The following VAV2 variants were observed in gnomAD, a reference collection of about 807,000 sequenced individuals.
VAV2 encodes guanine nucleotide exchange factor VAV2.
Under a neutral mutation model 132.5 loss-of-function variants are expected in VAV2, and 67 were observed. The ratio of observed to expected loss-of-function variants is 0.51; its 90% confidence interval spans 0.42 to 0.62. The LOEUF is 0.62. Among genes scored for constraint, VAV2 ranks in the 20% least tolerant of loss-of-function variants. The pLI is 0.00. For synonymous variants in VAV2, 492 were observed against 443.5 expected (o/e 1.11, Z -1.37); for missense variants, 938 against 1,153.6 (o/e 0.81, Z 2.71).
At chr9:133,822,102 G>A (rs946276556) in intron 4 of VAV2, among the ~76,000 whole-genome samples, 2 of 152,174 alleles carry the variant, frequency 1.3e-5, no homozygotes, top group African/African-American at 4.8e-5. Context: ...TCGCCCACCT[G>A]CCCCGATTCT....
Position 133,784,412 on chromosome 9 carries a change from G to A in VAV2, c.1539C>T (p.Asn513=). ...WMEQFEMAMS[N]IKPDKANANH... The stretch of plus-strand genomic sequence containing the variant: ...TGGCATTGGCTTTGTCTGGCTTGAT[G>A]TTTGACCTGGCAGGAGGGAAAGAGA... The change falls in exon 18 of 30, where the codon AAC becomes AAT. Residue 513 remains asparagine (N), a synonymous_variant. Transcript: ENST00000371850. 4 of 1,614,186 alleles carry A rather than the reference G, an allele frequency of 2.5e-6. No individual in the cohort carries two copies. Among genetic ancestry groups the A allele is most frequent in the Non-Finnish European group, 3.4e-6 (4 of 1,179,994 alleles).
rs150054284 is a variant in VAV2, at chr9:133,784,393, T to C, written c.1558A>G (p.Asn520Asp). Reference sequence around the variant, plus strand: ...ATCTGGAAACTGTGGTGGTTGGCATTGGCTTTGTCTGGCTTGATGTTTGAC... The same window carrying C: ...ATCTGGAAACTGTGGTGGTTGGCATCGGCTTTGTCTGGCTTGATGTTTGAC... ...AMSNIKPDKA[N>D]ANHHSFQMYT... The change falls in exon 18 of 30, where the codon AAT becomes GAT. Residue 520 changes from asparagine to aspartate, a missense_variant. Transcript: ENST00000371850. The C allele has an allele frequency of 1.0e-4, 165 of 1,614,066 alleles. No individual in the cohort carries two copies. Among genetic ancestry groups the C allele is most frequent in the Non-Finnish European group, 1.6e-5 (19 of 1,180,016 alleles).
At chr9:133,814,032 G>A (rs530941929) in intron 4 of VAV2, among the ~76,000 whole-genome samples, 2 of 152,306 alleles carry the variant, frequency 1.3e-5, no homozygotes, top group East Asian at 1.9e-4. Context: ...CACCATGAGA[G>A]GTCCATCTGG....
chr9:133,805,462 C>G (rs1468837547), intron 9 of VAV2, among the ~76,000 whole-genome samples: 2 of 152,176 alleles, frequency 1.3e-5, no homozygotes, highest in Non-Finnish European at 2.9e-5. Context: ...ATCTCCCCAG[C>G]CTCTGACAGC....
chr9:133,781,642 C>T (rs1176550922), intron 19 of VAV2, among the ~76,000 whole-genome samples: 1 of 152,222 alleles, frequency 6.6e-6, no homozygotes, highest in East Asian at 1.9e-4. Context: ...GGGGTGAAGG[C>T]TACAATGGTC....
At position 133,929,665 on chromosome 9, in the gene VAV2, A is replaced by C. The variant is rs542565639; in HGVS notation, c.321+9438T>G. Among the ~76,000 whole-genome samples, 588 of 152,254 alleles carry C rather than the reference A, an allele frequency of 3.9e-3. 6 individuals carry two copies. The highest frequency in any genetic ancestry group is 0.014 in the African/African-American group (572 of 41,548). On this transcript the variant is annotated intron_variant, in intron 2 of 29. Coordinates refer to ENST00000371850, the MANE Select transcript of VAV2 (RefSeq NM_001134398.2). ...GGGCCTCTCAGCTGCTGACAAACCC[A>C]GGGCCAGAGGGACTGGGATGACCAC...
chr9:133,916,404 G>A (rs552512847), intron 2 of VAV2, among the ~76,000 whole-genome samples: 1 of 152,364 alleles, frequency 6.6e-6, no homozygotes, highest in East Asian at 1.9e-4. Context: ...AGGGAAGGTG[G>A]TGGGTGCCAA....
intron 2 of VAV2, among the ~76,000 whole-genome samples, chr9:133,899,268 C>G (rs1043691670): frequency 1.3e-4 from 20 of 151,872 alleles, no homozygotes; most frequent in Admixed American, 1.2e-3. Flanking sequence ...GGAGCTGGGA[C>G]TCCTCAGGCC....
At chr9:133,803,594 A>C (rs1035762852) in intron 9 of VAV2, among the ~76,000 whole-genome samples, 1 of 152,344 alleles carries the variant, frequency 6.6e-6, no homozygotes, top group Non-Finnish European at 1.5e-5. Flanking sequence ...GGCAAGGCTA[A>C]GAGGAGCTCC....
intron 2 of VAV2, among the ~76,000 whole-genome samples, chr9:133,932,166 T>C (rs1480035874): frequency 6.6e-6 from 1 of 152,208 alleles, no homozygotes; most frequent in Non-Finnish European, 1.5e-5. Context: ...AACCAGCCCC[T>C]GGAAGAAGCC....
intron 3 of VAV2, among the ~76,000 whole-genome samples, chr9:133,838,896 T>C (rs1332757092): frequency 2.4e-5 from 3 of 124,188 alleles, no homozygotes; most frequent in Non-Finnish European, 4.9e-5. Context: ...GGTGGGTGGA[T>C]GGATGAATGA....
intron 1 of VAV2, among the ~76,000 whole-genome samples, chr9:133,971,433 C>T (rs1442442472): frequency 1.3e-5 from 2 of 152,152 alleles, no homozygotes; most frequent in African/African-American, 4.8e-5. Context: ...TAGAAACTGT[C>T]CTGGCCAGGC....
chr9:133,806,079 A>G lies in VAV2; in HGVS notation c.836+2T>C. 6.2e-7 allele frequency: 1 copy of G among 1,612,152 alleles called. No homozygotes were observed. ...GAGCCCCAGGAGCCGGCAGCCACTC[A>G]CCTTTCCTTGAAATCGAGGAAGACC... On this transcript the variant is annotated splice_donor_variant, in intron 9 of 29. Transcript: ENST00000371850. LOFTEE classifies it high-confidence loss of function.
intron 2 of VAV2, among the ~76,000 whole-genome samples, chr9:133,925,097 G>T (rs924758144): frequency 6.6e-6 from 1 of 152,228 alleles, no homozygotes; most frequent in Non-Finnish European, 1.5e-5. Flanking sequence ...TTGTTTCAGG[G>T]TGATGAAAAA....
intron 4 of VAV2, among the ~76,000 whole-genome samples, chr9:133,825,451 C>T (rs541501616): frequency 2.7e-4 from 41 of 152,182 alleles, no homozygotes; most frequent in African/African-American, 9.4e-4. Context: ...GCTTGTTTCT[C>T]GTGGGGCCGT....
chr9:133,986,230 G>A (rs964582838), intron 1 of VAV2, among the ~76,000 whole-genome samples: 16 of 152,198 alleles, frequency 1.1e-4, no homozygotes, highest in Non-Finnish European at 2.9e-5. Flanking sequence ...CCTGCTAGGA[G>A]GCAAGAAGGA....
intron 2 of VAV2, among the ~76,000 whole-genome samples, chr9:133,880,343 C>T (rs1239825738): frequency 6.6e-6 from 1 of 152,210 alleles, no homozygotes; most frequent in African/African-American, 2.4e-5. Flanking sequence ...GGTGAGGGAC[C>T]TGTCAGCCAG....
Position 133,778,785 on chromosome 9 carries a change from CGCCCCTCA to C in VAV2, c.1859_1866del (p.Leu620ArgfsTer3). ...ACCTCCCACCACGGAGACTCAGGGT[CGCCCCTCA>C]GCAGCTCAAGCACGTCGCCCGTCTG... On this transcript the variant is annotated frameshift_variant, in exon 22 of 30. Coordinates refer to ENST00000371850, the MANE Select transcript of VAV2 (RefSeq NM_001134398.2). LOFTEE classifies it high-confidence loss of function. 1 of 1,612,888 alleles carries C rather than the reference CGCCCCTCA, an allele frequency of 6.2e-7. No individual in the cohort carries two copies. Among genetic ancestry groups the C allele is most frequent in the Non-Finnish European group, 8.5e-7 (1 of 1,179,996 alleles).
At chr9:133,892,386 A>G (rs1292731156) in intron 2 of VAV2, among the ~76,000 whole-genome samples, 2 of 151,546 alleles carry the variant, frequency 1.3e-5, no homozygotes, top group Admixed American at 1.3e-4. Flanking sequence ...TTATTTTGGA[A>G]ATGTGGGGGC....
Sources: allele counts gnomAD v4.1 joint callset (sites outside exome capture counted in the v4.1 genomes callset), GRCh38; gene constraint gnomAD v4.1.1; transcripts MANE v1.5; gene names NCBI Gene and HGNC (gene_info 2026-07-23, HGNC 2026-07-21).